PKHD1: variants seen among roughly 807,000 people sequenced by gnomAD.
PKHD1 encodes the protein fibrocystin.
A neutral mutation model predicts 412.0 loss-of-function variants in PKHD1; 291 were observed. The ratio of observed to expected loss-of-function variants is 0.71; its 90% CI spans 0.64 to 0.78. The LOEUF (loss-of-function observed/expected upper bound fraction) is 0.78, where lower values mean the gene tolerates loss of function less well. Among genes scored for constraint, PKHD1 ranks in the 30% least tolerant of loss-of-function variants. The probability of loss-of-function intolerance (pLI) is 0.00; values close to 1 mark genes in which losing one functional copy is unlikely to be tolerated. For synonymous variants in PKHD1, 1,777 were observed against 1,821.5 expected (o/e 0.98, Z 0.62); for missense variants, 4,825 against 4,950.7 (o/e 0.97, Z 0.76).
intron 27 of PKHD1, among the ~76,000 whole-genome samples, chr6:52,039,475 C>G (rs1055908864): frequency 5.6e-4 from 85 of 152,340 alleles, no homozygotes; most frequent in African/African-American, 1.9e-3. Flanking sequence ...CTTGCTTCCC[C>G]TTCACCTTCT....
intron 35 of PKHD1, among the ~76,000 whole-genome samples, chr6:51,982,152 T>A (rs1795443324): frequency 2.2e-5 from 1 of 44,746 alleles, no homozygotes; most frequent in Non-Finnish European, 5.0e-5. Flanking sequence ...GAGGAGCGTC[T>A]CCGCCCGGCA....
chr6:51,742,296 T>G (rs1784651456), intron 60 of PKHD1, among the ~76,000 whole-genome samples: 1 of 152,204 alleles, frequency 6.6e-6, no homozygotes, highest in African/African-American at 2.4e-5. Context: ...AAACCAATAC[T>G]GTAGTCCTTA....
At chr6:51,834,868 G>T (rs900305628) in intron 51 of PKHD1, among the ~76,000 whole-genome samples, 1 of 152,098 alleles carries the variant, frequency 6.6e-6, no homozygotes, top group Non-Finnish European at 1.5e-5. Flanking sequence ...AAACACATTA[G>T]AGGCTACATT....
At chr6:51,668,307 A>G (rs972107997) in intron 60 of PKHD1, among the ~76,000 whole-genome samples, 2 of 152,178 alleles carry the variant, frequency 1.3e-5, no homozygotes, top group Non-Finnish European at 2.9e-5. Context: ...CTTTGAAGCA[A>G]TTGTGAATGG....
At chr6:52,035,307 G>C (rs1473098926) in intron 28 of PKHD1, among the ~76,000 whole-genome samples, 1 of 152,168 alleles carries the variant, frequency 6.6e-6, no homozygotes, top group Non-Finnish European at 1.5e-5. Flanking sequence ...ATGTGCACTA[G>C]CTAAATTTAT....
At chr6:52,083,376 G>A (rs1812318381) in intron 2 of PKHD1, 121 bp from the exon 3 acceptor site, 2 of 740,300 alleles carry the variant, frequency 2.7e-6, no homozygotes, top group East Asian at 5.4e-5. Context: ...ATTAAGCACA[G>A]GTGGTTGCAC....
chr6:51,621,581 A>G (rs539703458), intron 66 of PKHD1, among the ~76,000 whole-genome samples: 16 of 152,272 alleles, frequency 1.1e-4, no homozygotes, highest in African/African-American at 3.6e-4. Context: ...GACTAACACA[A>G]GCATAGCTTT....
At chr6:51,979,704 C>T (rs184456518) in intron 35 of PKHD1, among the ~76,000 whole-genome samples, 1 of 152,238 alleles carries the variant, frequency 6.6e-6, no homozygotes, top group Admixed American at 6.5e-5. Flanking sequence ...AAATAAGTAT[C>T]TAATCCTCTA....
chr6:51,698,334 T>A (rs1412321169), intron 60 of PKHD1, among the ~76,000 whole-genome samples: 1 of 152,188 alleles, frequency 6.6e-6, no homozygotes, highest in Non-Finnish European at 1.5e-5. Context: ...CTAACCAGAA[T>A]CATTAAAATG....
At chr6:52,052,693 C>G (rs942824809) in intron 21 of PKHD1, among the ~76,000 whole-genome samples, 1 of 152,078 alleles carries the variant, frequency 6.6e-6, no homozygotes, top group African/African-American at 2.4e-5. Flanking sequence ...TTATTAGACA[C>G]CTTCTATGGA....
Position 52,054,147 on chromosome 6 carries a change from C to T in PKHD1, c.1855G>A (p.Gly619Ser). Reference sequence around the variant, plus strand: ...ATCTTCAGGATCTTGTTCATGTGGCCTTTGTATGCAAGACACAGCTATGGA... The same window carrying T: ...ATCTTCAGGATCTTGTTCATGTGGCTTTTGTATGCAAGACACAGCTATGGA... ...QYTHLCLAYKGHMNKILKMIV... is the reference protein window; with the variant it reads ...QYTHLCLAYKSHMNKILKMIV... Residue 619 changes from glycine to serine, a missense_variant, in exon 20 of 67, where the codon GGC becomes AGC. Physicochemically the swap from Gly to Ser is moderately conservative, Grantham distance 56. Coordinates refer to ENST00000371117, the MANE Select transcript of PKHD1 (RefSeq NM_138694.4). 1 of 1,613,984 alleles carries T rather than the reference C, an allele frequency of 6.2e-7. No homozygotes were observed. Among genetic ancestry groups the T allele is most frequent in the East Asian group, 2.2e-5 (1 of 44,870 alleles).
chr6:51,969,300 G>A (rs545854546), intron 35 of PKHD1, among the ~76,000 whole-genome samples: 2 of 152,292 alleles, frequency 1.3e-5, no homozygotes, highest in East Asian at 3.9e-4. Context: ...TGAACTTGGA[G>A]GTAGACCTTG....
intron 35 of PKHD1, among the ~76,000 whole-genome samples, chr6:51,982,884 ATAAAAT>A (rs1488231922): frequency 3.7e-4 from 43 of 115,802 alleles, no homozygotes; most frequent in African/African-American, 1.1e-3. Flanking sequence ...ATAAAATAAA[ATAAAAT>A]AAAAAAAAGA....
chr6:51,639,044 A>G (rs1768982202), intron 63 of PKHD1, 88 bp from the exon 64 acceptor site: 4 of 964,622 alleles, frequency 4.1e-6, no homozygotes, highest in Non-Finnish European at 6.8e-6. Flanking sequence ...AGACATTTGG[A>G]CAATAAAGGA....
intron 37 of PKHD1, among the ~76,000 whole-genome samples, chr6:51,914,136 A>G (rs1783413164): frequency 6.6e-6 from 1 of 152,140 alleles, no homozygotes; most frequent in East Asian, 1.9e-4. Flanking sequence ...TTAATATGCA[A>G]CAAATACCTG....
intron 46 of PKHD1, among the ~76,000 whole-genome samples, chr6:51,872,477 C>T (rs1468800986): frequency 1.3e-5 from 2 of 151,882 alleles, no homozygotes; most frequent in African/African-American, 4.8e-5. Flanking sequence ...GGCATGATCT[C>T]GGCTCACTGC....
intron 36 of PKHD1, among the ~76,000 whole-genome samples, chr6:51,945,248 G>T (rs564612295): frequency 6.6e-6 from 1 of 152,286 alleles, no homozygotes; most frequent in Admixed American, 6.5e-5. Flanking sequence ...ATTGTAAATA[G>T]TCAGGAAATC....
chr6:52,072,576 G>C (rs925375925), intron 7 of PKHD1, among the ~76,000 whole-genome samples: 3 of 152,168 alleles, frequency 2.0e-5, no homozygotes, highest in Non-Finnish European at 4.4e-5. Flanking sequence ...GATGTAGTAG[G>C]AGTTTCTACC....
intron 59 of PKHD1, among the ~76,000 whole-genome samples, chr6:51,746,462 A>G (rs1785205790): frequency 6.6e-6 from 1 of 152,210 alleles, no homozygotes; most frequent in Non-Finnish European, 1.5e-5. Flanking sequence ...GCTAAAGAAA[A>G]TCACATGGCT....
Sources: gnomAD v4.1 joint callset for allele counts (sites outside exome capture counted in the v4.1 genomes callset) on GRCh38, gnomAD v4.1.1 for gene constraint, MANE v1.5 for transcripts, NCBI Gene and HGNC (gene_info 2026-07-23, HGNC 2026-07-21) for gene names.